LRRC41: variants seen among roughly 807,000 people sequenced by gnomAD.
LRRC41 encodes leucine rich repeat containing 41.
Under a neutral mutation model 72.1 loss-of-function variants are expected in LRRC41, and 17 were observed. The observed-to-expected ratio is 0.24, with a 90% CI of 0.16 to 0.35. The LOEUF is 0.35. LRRC41 is among the 10% of genes least tolerant of loss of function. The probability of loss-of-function intolerance (pLI) is 1.00; values close to 1 mark genes in which losing one functional copy is unlikely to be tolerated. For missense variants in LRRC41, 759 were observed against 1,065.0 expected (o/e 0.71, Z 4.00); for synonymous variants, 427 against 431.0 (o/e 0.99, Z 0.11).
intron 2 of LRRC41, 60 bp downstream of exon 2, chr1:46,298,224 A>G (rs1661162632): frequency 4.1e-6 from 5 of 1,222,320 alleles, no homozygotes; most frequent in Non-Finnish European, 4.7e-6. Context: ...ATTTACCGGA[A>G]GAACATTATG....
chr1:46,278,030 G>A lies in LRRC41; in HGVS notation c.*835C>T. 1.2e-6 allele frequency: 2 copies of A among 1,614,164 alleles called. No homozygotes were observed. The highest frequency in any genetic ancestry group is 1.7e-6 in the Non-Finnish European group (2 of 1,179,970). On this transcript the variant is annotated 3_prime_UTR_variant, in exon 10 of 10. Coordinates refer to ENST00000617190, the MANE Select transcript of LRRC41 (RefSeq NM_006369.5). ...CTCTAAGCTACCCACACAGTAGGGAGATGGGATCTGTAGTGACTTCAGCTG... is the reference window on the plus strand; with the variant it reads ...CTCTAAGCTACCCACACAGTAGGGAAATGGGATCTGTAGTGACTTCAGCTG...
chr1:46,286,529 A>T lies in LRRC41; in HGVS notation c.358-30T>A, dbSNP rs199884087. 525 of 1,556,080 alleles carry T rather than the reference A, an allele frequency of 3.4e-4. No individual in the cohort carries two copies. The African/African-American group carries it at 6.9e-3, about 20-fold the overall frequency. On this transcript the variant is annotated intron_variant, in intron 3 of 9. Coordinates refer to ENST00000617190, the MANE Select transcript of LRRC41 (RefSeq NM_006369.5). This position sits in a 1 kb window ranked among gnomAD's most constrained non-coding sequence, Gnocchi z 5.5. ...AACGCAGAAAACATGCCAGACAGCC[A>T]TGATATATCCATGAAACTGTCCAAA...
chr1:46,303,607 A>G lies in LRRC41; in HGVS notation c.-285T>C, dbSNP rs1217436179. 9.0e-7 allele frequency: 1 copy of G among 1,115,052 alleles called. No individual in the cohort carries two copies. Among genetic ancestry groups the G allele is most frequent in the African/African-American group, 1.6e-5 (1 of 64,420 alleles). 69.1% of individuals were successfully genotyped at this position (1,115,052 alleles called of 1,614,324 possible). ...AACCTCTGCCTGCGGCTGGTAGTAC[A>G]TGCCAATCTGAGCATGTGTTCGCGA... On this transcript the variant is annotated 5_prime_UTR_variant, in exon 1 of 10. An upstream start codon of the reference 5' UTR is lost. Transcript: ENST00000617190.
intron 3 of LRRC41, among the ~76,000 whole-genome samples, chr1:46,293,450 G>A (rs1213021630): frequency 6.6e-6 from 1 of 152,060 alleles, no homozygotes; most frequent in Non-Finnish European, 1.5e-5. Flanking sequence ...ATGTTGCCCA[G>A]GCTGTTCTTG....
rs3215667 is a variant in LRRC41, at chr1:46,303,473, AG to A, written c.-152del. The A allele has an allele frequency of 5.0e-5, 40 of 805,916 alleles. 1 individual carries two copies. The East Asian group carries it at 1.0e-3, about 21-fold the overall frequency. The allele number at this position is 805,916 out of a possible 1,614,324, so 49.9% of individuals were successfully genotyped here. A position where few individuals can be genotyped will look rare whatever the true frequency, so the allele number is the denominator to read the frequency against. ...AATTAGCACACTTTCCAAGTCTCTT[AG>A]GAGCTACTATTTTAGATAAACTCCT... On this transcript the variant is annotated 5_prime_UTR_variant, in exon 1 of 10. Coordinates refer to ENST00000617190, the MANE Select transcript of LRRC41 (RefSeq NM_006369.5).
Position 46,289,028 on chromosome 1 carries a change from G to A in LRRC41, c.358-2529C>T, listed in dbSNP as rs1437138275. Among the ~76,000 whole-genome samples, 3 of 152,198 alleles carry A rather than the reference G, an allele frequency of 2.0e-5. No individual in the cohort carries two copies. In the East Asian group the frequency reaches 5.8e-4, roughly 29 times the overall value. ...TTACAATATCTGTGCCTAAAATATG[G>A]ACAAAGATGGTGAGTCAAGATATTG... On this transcript the variant is annotated intron_variant, in intron 3 of 9. Coordinates refer to ENST00000617190, the MANE Select transcript of LRRC41 (RefSeq NM_006369.5).
At chr1:46,290,491 A>G (rs940039088) in intron 3 of LRRC41, among the ~76,000 whole-genome samples, 1 of 152,222 alleles carries the variant, frequency 6.6e-6, no homozygotes, top group Non-Finnish European at 1.5e-5. Flanking sequence ...ACAATTCTGA[A>G]CAGTTTCAAA....
At position 46,279,016 on chromosome 1, in the gene LRRC41, G is replaced by T. The variant is rs756896513; in HGVS notation, c.2288C>A (p.Ala763Asp). ...AKRLERWGRGAFGHLRLFQNW... is the reference protein window; with the variant it reads ...AKRLERWGRGDFGHLRLFQNW... ...TTGGAAGAGGCGCAGGTGACCAAAGGCTCCACGGCCCCAGCGCTCCAGCCG... is the reference window on the plus strand; with the variant it reads ...TTGGAAGAGGCGCAGGTGACCAAAGTCTCCACGGCCCCAGCGCTCCAGCCG... The change falls in exon 10 of 10, where the codon GCC (alanine) becomes GAC (aspartate). Residue 763 changes from alanine to aspartate, a missense_variant. Ala to Asp is a moderately radical substitution (Grantham distance 126). Transcript: ENST00000617190. The surrounding 1 kb of genome is among the most constrained non-coding windows in gnomAD (Gnocchi z 4.5). 1.2e-6 allele frequency: 2 copies of T among 1,613,584 alleles called. No individual in the cohort carries two copies. Among genetic ancestry groups the T allele is most frequent in the Non-Finnish European group, 1.7e-6 (2 of 1,179,808 alleles).
intron 3 of LRRC41, among the ~76,000 whole-genome samples, chr1:46,288,660 C>T (rs1224411206): frequency 3.9e-5 from 6 of 152,218 alleles, no homozygotes; most frequent in African/African-American, 7.2e-5. Flanking sequence ...AACTAGGCCT[C>T]TGCTGTCCTC....
Position 46,289,043 on chromosome 1 carries a change from T to C in LRRC41, c.358-2544A>G, listed in dbSNP as rs72901076. Among the ~76,000 whole-genome samples, 1,282 of 152,252 alleles carry C rather than the reference T, an allele frequency of 8.4e-3. 20 individuals are homozygous for C. Among genetic ancestry groups the C allele is most frequent in the Middle Eastern group, 0.037 (11 of 294 alleles). On this transcript the variant is annotated intron_variant, in intron 3 of 9. Coordinates refer to ENST00000617190, the MANE Select transcript of LRRC41 (RefSeq NM_006369.5). Reference sequence around the variant, plus strand: ...CTAAAATATGGACAAAGATGGTGAGTCAAGATATTGTGGCTGTTTCTGGCT... The same window carrying C: ...CTAAAATATGGACAAAGATGGTGAGCCAAGATATTGTGGCTGTTTCTGGCT...
At chr1:46,303,075 G>C in intron 1 of LRRC41, 49 bp downstream of exon 1, 1 of 1,337,556 alleles carries the variant, frequency 7.5e-7, no homozygotes, top group East Asian at 3.0e-5. Flanking sequence ...CCGGCCGCTG[G>C]GCCGCCCCTT....
intron 4 of LRRC41, among the ~76,000 whole-genome samples, chr1:46,282,316 G>A (rs532362188): frequency 6.6e-6 from 1 of 152,226 alleles, no homozygotes; most frequent in East Asian, 1.9e-4. Context: ...GGCAGGAAAA[G>A]ATAACCAAAT....
chr1:46,287,180 C>T (rs924280916), intron 3 of LRRC41, among the ~76,000 whole-genome samples: 3 of 152,026 alleles, frequency 2.0e-5, no homozygotes, highest in Admixed American at 2.0e-4. Flanking sequence ...GTGATCTCGG[C>T]ACACTGCAAG....
intron 3 of LRRC41, among the ~76,000 whole-genome samples, chr1:46,289,935 C>A (rs1282489110): frequency 6.6e-6 from 1 of 152,150 alleles, no homozygotes; most frequent in Non-Finnish European, 1.5e-5. Flanking sequence ...GATGTTTGCC[C>A]AACAACACAA....
intron 3 of LRRC41, among the ~76,000 whole-genome samples, chr1:46,291,564 T>TG (rs1236381114): frequency 7.1e-5 from 10 of 141,520 alleles, no homozygotes; most frequent in African/African-American, 2.6e-4. Context: ...TTTTTTTTTT[T>TG]TTTTTTTTTT....
intron 1 of LRRC41, chr1:46,301,985 C>T (rs1424207292): frequency 2.0e-6 from 2 of 985,304 alleles, no homozygotes; most frequent in South Asian, 4.7e-5. Context: ...CCTCACTTTC[C>T]CCTCTTTCAC....
In LRRC41 at chr1:46,279,477, G is replaced by A. The variant is rs771082707; in HGVS notation, c.2143+15C>T. On this transcript the variant is annotated intron_variant, in intron 8 of 9. Coordinates refer to ENST00000617190, the MANE Select transcript of LRRC41 (RefSeq NM_006369.5). This position sits in a 1 kb window ranked among gnomAD's most constrained non-coding sequence, Gnocchi z 4.5. ...AGCTCCTTTCCCCTCTCCCTCCCCAGGGTCTGGCCCCCACCCAGGCGGTTC... is the reference window on the plus strand; with the variant it reads ...AGCTCCTTTCCCCTCTCCCTCCCCAAGGTCTGGCCCCCACCCAGGCGGTTC... 5.0e-6 allele frequency: 8 copies of A among 1,614,068 alleles called. No homozygotes were observed. The East Asian group carries it at 1.3e-4, about 27-fold the overall frequency.
chr1:46,298,938 T>C (rs1661175228), intron 1 of LRRC41: 1 of 152,370 alleles, frequency 6.6e-6, no homozygotes, highest in African/African-American at 2.4e-5. Context: ...CTTTCAAGTA[T>C]CACATGCCCT....
Position 46,278,759 on chromosome 1 carries a change from G to A in LRRC41, c.*106C>T. ...AAGAAGGAAAAAAGAGAAAAAAGGT[G>A]ACAGAAAGAGAAAGATAGAACTGGT... On this transcript the variant is annotated 3_prime_UTR_variant, in exon 10 of 10. Coordinates refer to ENST00000617190, the MANE Select transcript of LRRC41 (RefSeq NM_006369.5). 1 of 1,134,862 alleles carries A rather than the reference G, an allele frequency of 8.8e-7. No individual in the cohort carries two copies. The highest frequency in any genetic ancestry group is 2.4e-5 in the East Asian group (1 of 42,172). 70.3% of individuals were successfully genotyped at this position (1,134,862 alleles called of 1,614,324 possible).
Sources: gnomAD v4.1 joint callset for allele counts (sites outside exome capture counted in the v4.1 genomes callset) on GRCh38, gnomAD v4.1.1 for gene constraint, Gnocchi (gnomAD v3.1) non-coding constraint, MANE v1.5 for transcripts, NCBI Gene and HGNC (gene_info 2026-07-23, HGNC 2026-07-21) for gene names.